The following PTPRG variants were observed in gnomAD, a reference collection of about 807,000 sequenced individuals.
PTPRG encodes the protein receptor-type tyrosine-protein phosphatase gamma.
PTPRG carries 102 observed loss-of-function variants against 165.3 expected under a neutral mutation model. That is an observed-to-expected ratio of 0.62 (90% CI 0.53 to 0.73). PTPRG has a LOEUF of 0.73. Ranked by LOEUF, PTPRG falls within the 30% of genes least tolerant of loss-of-function variation. The pLI is 0.00. For synonymous variants in PTPRG, 675 were observed against 669.5 expected (o/e 1.01, Z -0.13); for missense variants, 1,866 against 1,861.4 (o/e 1.00, Z -0.05).
At chr3:61,990,116 C>G (rs1011684370) in intron 3 of PTPRG, among the ~76,000 whole-genome samples, 2 of 151,754 alleles carry the variant, frequency 1.3e-5, no homozygotes, top group Non-Finnish European at 2.9e-5. Flanking sequence ...GCTACCCAAT[C>G]TAGTAGCCAC....
chr3:62,186,567 C>CT (rs35133425), intron 8 of PTPRG, among the ~76,000 whole-genome samples: 7,902 of 117,522 alleles, frequency 0.067, 411 homozygotes, highest in Admixed American at 0.096. Flanking sequence ...TTTTCTTTTC[C>CT]TTTTTTTTTT....
chr3:61,649,593 G>T (rs373130107), intron 1 of PTPRG, among the ~76,000 whole-genome samples: 1 of 152,180 alleles, frequency 6.6e-6, no homozygotes, highest in Admixed American at 6.6e-5. Context: ...GCCTCGTAAA[G>T]ATCCCGATTC....
intron 2 of PTPRG, among the ~76,000 whole-genome samples, chr3:61,866,273 C>A (rs142881519): frequency 1.2e-3 from 177 of 152,264 alleles, no homozygotes; most frequent in Non-Finnish European, 1.9e-3. Flanking sequence ...CTTTTCCCAT[C>A]CTGATACAGA....
At position 62,271,373 on chromosome 3, in the gene PTPRG, T is replaced by A; in HGVS notation, c.3010-10T>A. 6.3e-7 allele frequency: 1 copy of A among 1,583,300 alleles called. No homozygotes were observed. Among genetic ancestry groups the A allele is most frequent in the Non-Finnish European group, 8.6e-7 (1 of 1,166,514 alleles). ...CCGCTTAAAGACATCTTTTTTCACT[T>A]TTCTCACAGGGTCAGAAGGGAAATC... On this transcript the variant is annotated splice_polypyrimidine_tract_variant and intron_variant, in intron 20 of 29. Transcript: ENST00000474889. The surrounding 1 kb of genome is among the most constrained non-coding windows in gnomAD (Gnocchi z 4.1).
At chr3:62,064,951 C>G (rs1340053846) in intron 4 of PTPRG, among the ~76,000 whole-genome samples, 1 of 151,934 alleles carries the variant, frequency 6.6e-6, no homozygotes, top group Non-Finnish European at 1.5e-5. Context: ...CCAGGATGGC[C>G]TTGATTTCCT....
rs1178642674 is a variant in PTPRG at position 62,152,110 on chromosome 3, A to C, written c.683-4957A>C. On this transcript the variant is annotated intron_variant, in intron 6 of 29. Coordinates refer to ENST00000474889, the MANE Select transcript of PTPRG (RefSeq NM_002841.4). ...GCCAGGCATATGGGCTCACAGCTGTAATTGCAGCACTTTGGGAGGCTGGGG... is the reference window on the plus strand; with the variant it reads ...GCCAGGCATATGGGCTCACAGCTGTCATTGCAGCACTTTGGGAGGCTGGGG... Among the ~76,000 whole-genome samples, 4 of 152,142 alleles carry C rather than the reference A, an allele frequency of 2.6e-5. No individual in the cohort carries two copies. In the East Asian group the frequency reaches 7.7e-4, roughly 29 times the overall value.
intron 6 of PTPRG, among the ~76,000 whole-genome samples, chr3:62,155,388 T>G (rs1704497028): frequency 6.6e-6 from 1 of 152,196 alleles, no homozygotes; most frequent in Non-Finnish European, 1.5e-5. Context: ...AGTTGTGAAC[T>G]AAGAGAGCAT....
At chr3:61,803,320 A>C (rs534358357) in intron 2 of PTPRG, among the ~76,000 whole-genome samples, 9 of 152,308 alleles carry the variant, frequency 5.9e-5, no homozygotes, top group African/African-American at 1.9e-4. Flanking sequence ...GATAAAAAAA[A>C]TTATTAGTGA....
At chr3:61,701,290 C>A (rs2030941684) in intron 1 of PTPRG, among the ~76,000 whole-genome samples, 1 of 152,140 alleles carries the variant, frequency 6.6e-6, no homozygotes, top group African/African-American at 2.4e-5. Flanking sequence ...CTCACATTTG[C>A]ACCCACTGCT....
chr3:61,816,871 G>C (rs2035777587), intron 2 of PTPRG, among the ~76,000 whole-genome samples: 1 of 150,238 alleles, frequency 6.7e-6, no homozygotes, highest in African/African-American at 2.5e-5. Flanking sequence ...TTGAAAATTT[G>C]TATTGACATG....
intron 24 of PTPRG, 133 bp downstream of exon 24, chr3:62,276,099 T>G: frequency 1.8e-6 from 1 of 544,806 alleles, no homozygotes; most frequent in Non-Finnish European, 3.1e-6. Flanking sequence ...TAGAAGGTTT[T>G]GAAAATGTCC....
intron 2 of PTPRG, among the ~76,000 whole-genome samples, chr3:61,765,780 T>C (rs2033997992): frequency 6.6e-6 from 1 of 152,220 alleles, no homozygotes. Flanking sequence ...TCTCACTTTT[T>C]TGTATAAATT....
intron 2 of PTPRG, among the ~76,000 whole-genome samples, chr3:61,932,821 G>A (rs2039393991): frequency 6.6e-6 from 1 of 152,170 alleles, no homozygotes; most frequent in African/African-American, 2.4e-5. Flanking sequence ...TTCCCTTATG[G>A]GTTTTTCAGG....
At chr3:61,605,204 G>T (rs1700969321) in intron 1 of PTPRG, among the ~76,000 whole-genome samples, 1 of 152,154 alleles carries the variant, frequency 6.6e-6, no homozygotes, top group Non-Finnish European at 1.5e-5. Context: ...GCTGAGGACT[G>T]TGTTAGGGGT....
intron 12 of PTPRG, among the ~76,000 whole-genome samples, chr3:62,206,912 CAAAAAAAAAA>C (rs556974355): frequency 0.14 from 5,154 of 37,366 alleles, 374 homozygotes; most frequent in African/African-American, 0.34. Flanking sequence ...GACTCTGTCT[CAAAAAAAAAA>C]AAAAAAAAAA....
At chr3:62,137,490 C>T (rs950787039) in intron 6 of PTPRG, among the ~76,000 whole-genome samples, 3 of 152,090 alleles carry the variant, frequency 2.0e-5, no homozygotes, top group Admixed American at 2.0e-4. Flanking sequence ...TGTGGTCAGG[C>T]GTGGTCATGG....
chr3:61,619,915 T>A (rs1027297874), intron 1 of PTPRG, among the ~76,000 whole-genome samples: 3 of 152,212 alleles, frequency 2.0e-5, no homozygotes, highest in African/African-American at 7.2e-5. Context: ...AAGTGATGGA[T>A]TATTAAACAG....
chr3:61,805,455 A>C (rs1215904621), intron 2 of PTPRG, among the ~76,000 whole-genome samples: 1 of 151,470 alleles, frequency 6.6e-6, no homozygotes, highest in Admixed American at 6.6e-5. Flanking sequence ...CCAAAGCAAA[A>C]GCCATGCAGT....
At chr3:61,584,463 A>T (rs1418852437) in intron 1 of PTPRG, among the ~76,000 whole-genome samples, 1 of 152,154 alleles carries the variant, frequency 6.6e-6, no homozygotes, top group East Asian at 1.9e-4. Flanking sequence ...TTCTGGCATT[A>T]TTGGACAGCA....
Sources: gnomAD v4.1 joint callset for allele counts (sites outside exome capture counted in the v4.1 genomes callset) on GRCh38, gnomAD v4.1.1 for gene constraint, Gnocchi (gnomAD v3.1) non-coding constraint, MANE v1.5 for transcripts, NCBI Gene and HGNC (gene_info 2026-07-23, HGNC 2026-07-21) for gene names.